The following LMX1B variants were observed in gnomAD, a reference collection of about 807,000 sequenced individuals.
The protein encoded by LMX1B is LIM homeobox transcription factor 1-beta.
A neutral mutation model predicts 51.4 loss-of-function variants in LMX1B; 12 were observed. The observed-to-expected ratio is 0.23, with a 90% confidence interval of 0.15 to 0.38. LMX1B has a LOEUF of 0.38. Among genes scored for constraint, LMX1B ranks in the 10% least tolerant of loss-of-function variants. The probability of loss-of-function intolerance (pLI) is 1.00; values close to 1 mark genes in which losing one functional copy is unlikely to be tolerated. For missense variants in LMX1B, 445 were observed against 571.1 expected (o/e 0.78, Z 2.25); for synonymous variants, 237 against 235.4 (o/e 1.01, Z -0.06).
chr9:126,661,448 C>T (rs1356444245), intron 2 of LMX1B, among the ~76,000 whole-genome samples: 1 of 152,188 alleles, frequency 6.6e-6, no homozygotes, highest in African/African-American at 2.4e-5. Flanking sequence ...GGGTGGAGGG[C>T]CACTGTAGGG....
At chr9:126,644,469 C>T (rs148658515) in intron 2 of LMX1B, among the ~76,000 whole-genome samples, 5 of 152,240 alleles carry the variant, frequency 3.3e-5, no homozygotes, top group Non-Finnish European at 2.9e-5. Context: ...TTCTCTAGGA[C>T]GGGGGTAGGG....
intron 6 of LMX1B, among the ~76,000 whole-genome samples, chr9:126,694,658 C>T (rs1456275172): frequency 6.6e-6 from 1 of 152,184 alleles, no homozygotes; most frequent in Non-Finnish European, 1.5e-5. Context: ...GGTGCCAGGG[C>T]ACCAATGGGC....
At position 126,639,700 on chromosome 9, in the gene LMX1B, G is replaced by T. The variant is rs61343266; in HGVS notation, c.326+24131G>T. On this transcript the variant is annotated intron_variant, in intron 2 of 7. Coordinates refer to ENST00000373474, the MANE Select transcript of LMX1B (RefSeq NM_001174147.2). ...GTGCAAGCTGTTAGTGACTGGGGAG[G>T]GGGGCAGAGGAGGGCTCAGGATGGG... Among the ~76,000 whole-genome samples the T allele has an allele frequency of 3.1e-3, 468 of 152,334 alleles. 2 individuals are homozygous for T. The highest frequency in any genetic ancestry group is 9.7e-3 in the South Asian group (47 of 4,822).
intron 2 of LMX1B, among the ~76,000 whole-genome samples, chr9:126,679,839 C>G (rs534893312): frequency 6.6e-6 from 1 of 152,212 alleles, no homozygotes; most frequent in Non-Finnish European, 1.5e-5. Flanking sequence ...TGACTCTGGC[C>G]TCAGACACAC....
intron 2 of LMX1B, among the ~76,000 whole-genome samples, chr9:126,678,235 G>A (rs1352863388): frequency 2.6e-5 from 4 of 151,854 alleles, no homozygotes; most frequent in African/African-American, 7.3e-5. Flanking sequence ...GCTTGAATCC[G>A]GGAGGTGGAG....
chr9:126,638,168 G>C, intron 2 of LMX1B, among the ~76,000 whole-genome samples: 1 of 152,084 alleles, frequency 6.6e-6, no homozygotes, highest in Middle Eastern at 3.4e-3. Flanking sequence ...TCCTGGCCCA[G>C]GTGAGCCCCT....
chr9:126,631,019 C>A (rs1397976003), intron 2 of LMX1B, among the ~76,000 whole-genome samples: 1 of 152,260 alleles, frequency 6.6e-6, no homozygotes, highest in Non-Finnish European at 1.5e-5. Context: ...CGTGCCCCCG[C>A]CTGCCCACCC....
At chr9:126,619,574 G>A (rs977257590) in intron 2 of LMX1B, among the ~76,000 whole-genome samples, 2 of 152,216 alleles carry the variant, frequency 1.3e-5, no homozygotes, top group African/African-American at 2.4e-5. Context: ...TGCTGTCTCT[G>A]GGGGCTGAGG....
intron 2 of LMX1B, among the ~76,000 whole-genome samples, chr9:126,652,889 G>A (rs146694521): frequency 7.2e-5 from 11 of 152,322 alleles, no homozygotes; most frequent in East Asian, 1.9e-4. Flanking sequence ...TAGCCCCAGC[G>A]GGTGTTGATG....
In LMX1B at chr9:126,618,114, G is replaced by C. The variant is rs1270799138; in HGVS notation, c.326+2545G>C. Among the ~76,000 whole-genome samples the C allele has an allele frequency of 6.6e-6, 1 of 152,148 alleles. No homozygotes were observed. Among genetic ancestry groups the C allele is most frequent in the African/African-American group, 2.4e-5 (1 of 41,436 alleles). On this transcript the variant is annotated intron_variant, in intron 2 of 7. Transcript: ENST00000373474. This position sits in a 1 kb window ranked among gnomAD's most constrained non-coding sequence, Gnocchi z 4.5. ...TTCATCTGTGCGTAAATGCTTTTCA[G>C]ACAGGAATCCAAGCAAGCGGGCGCA...
chr9:126,668,816 C>T (rs1836394710), intron 2 of LMX1B, among the ~76,000 whole-genome samples: 2 of 152,200 alleles, frequency 1.3e-5, no homozygotes, highest in South Asian at 2.1e-4. Context: ...CCTCTTGTCC[C>T]CCTAACCCCA....
intron 2 of LMX1B, among the ~76,000 whole-genome samples, chr9:126,621,468 AG>A (rs1240405320): frequency 6.6e-6 from 1 of 152,192 alleles, no homozygotes; most frequent in Non-Finnish European, 1.5e-5. Context: ...GAGAGGGCTA[AG>A]GCTGAAAACC....
intron 2 of LMX1B, among the ~76,000 whole-genome samples, chr9:126,652,537 T>C (rs1836040528): frequency 6.6e-6 from 1 of 152,234 alleles, no homozygotes; most frequent in Admixed American, 6.5e-5. Flanking sequence ...CATCCCATGG[T>C]CTTCGTGTGT....
At chr9:126,635,844 G>A (rs897246766) in intron 2 of LMX1B, among the ~76,000 whole-genome samples, 1 of 152,186 alleles carries the variant, frequency 6.6e-6, no homozygotes, top group Admixed American at 6.5e-5. Context: ...GCCTCTCAAA[G>A]GAAAGGAGGG....
intron 2 of LMX1B, among the ~76,000 whole-genome samples, chr9:126,645,642 G>T (rs1354330254): frequency 2.0e-5 from 3 of 152,020 alleles, no homozygotes; most frequent in African/African-American, 7.3e-5. Context: ...TGCTGGCAAG[G>T]CTGAGGGTGG....
At chr9:126,689,459 C>G (rs1265195508) in intron 2 of LMX1B, among the ~76,000 whole-genome samples, 2 of 152,236 alleles carry the variant, frequency 1.3e-5, no homozygotes, top group African/African-American at 2.4e-5. Context: ...AGGTGGCGCC[C>G]GCAGACATGG....
intron 2 of LMX1B, among the ~76,000 whole-genome samples, chr9:126,616,694 C>T (rs1431220638): frequency 3.3e-5 from 5 of 152,184 alleles, no homozygotes; most frequent in Non-Finnish European, 5.9e-5. Context: ...GGGCTGCCGG[C>T]GCCTCGTGGT....
chr9:126,652,448 C>G (rs751653344), intron 2 of LMX1B, among the ~76,000 whole-genome samples: 1 of 152,216 alleles, frequency 6.6e-6, no homozygotes, highest in Non-Finnish European at 1.5e-5. Flanking sequence ...GGTGGGGGTG[C>G]GGCCGCATGG....
rs532683389 is a variant in LMX1B at position 126,621,303 on chromosome 9, C to G, written c.326+5734C>G. 8.5e-5 allele frequency among the ~76,000 whole-genome samples: 13 copies of G among 152,332 alleles called. No homozygotes were observed. In the South Asian group the frequency reaches 1.7e-3, roughly 19 times the overall value. On this transcript the variant is annotated intron_variant, in intron 2 of 7. Transcript: ENST00000373474. ...GAGCTGTCAGTCAGTTGGGGGTGCC[C>G]GAGGACCCAGGGCCCTTGGCTGTCT...
Sources: allele counts gnomAD v4.1 joint callset (sites outside exome capture counted in the v4.1 genomes callset), GRCh38; gene constraint gnomAD v4.1.1; non-coding constraint Gnocchi (gnomAD v3.1); transcripts MANE v1.5; gene names NCBI Gene and HGNC (gene_info 2026-07-23, HGNC 2026-07-21).